Variants in CLEC16A observed in about 807,000 individuals in gnomAD.
The protein encoded by CLEC16A is protein CLEC16A.
In CLEC16A, 51 loss-of-function variants were observed where a neutral mutation model predicts 109.5. The observed-to-expected ratio is 0.47, with a 90% CI of 0.37 to 0.59. The LOEUF (loss-of-function observed/expected upper bound fraction) is 0.59, where lower values mean the gene tolerates loss of function less well. CLEC16A is among the 20% of genes least tolerant of loss of function. CLEC16A has a pLI of 0.00. For missense variants in CLEC16A, 1,339 were observed against 1,394.0 expected, an observed-to-expected ratio of 0.96 and a Z score of 0.63; for synonymous variants, 673 against 564.2, an observed-to-expected ratio of 1.19 and a Z score of -2.73.
At chr16:10,964,955 G>C (rs1053123092) in intron 3 of CLEC16A, among the ~76,000 whole-genome samples, 1 of 152,128 alleles carries the variant, frequency 6.6e-6, no homozygotes, top group Non-Finnish European at 1.5e-5. Context: ...TAACACAGTA[G>C]GATGACCTGT....
chr16:10,982,896 C>G lies in CLEC16A; in HGVS notation c.976C>G (p.His326Asp). The change falls in exon 10 of 24, where the codon CAT (histidine) becomes GAT (aspartate). Residue 326 changes from histidine to aspartate, a missense_variant. Physicochemically the swap from His to Asp is moderately conservative, Grantham distance 81 (BLOSUM62 -1). Transcript: ENST00000409790. ...LLSQVFLIIH[H>D]APLVNSLAEV... is the part of the protein sequence containing the mutation. ...CCGCCAGGTCTTCTTAATTATACAT[C>G]ATGCACCGCTGGTGAACTCGTTAGC... 6.2e-7 allele frequency: 1 copy of G among 1,603,556 alleles called. No individual in the cohort carries two copies. The highest frequency in any genetic ancestry group is 8.5e-7 in the Non-Finnish European group (1 of 1,170,602).
chr16:11,124,683 A>C lies in CLEC16A; in HGVS notation c.2473+737A>C, dbSNP rs539235337. ...AACTCCTAAAATGACAGTCTTTCTCAAGATACCCAGTGCCATTCAGTTCAG... is the reference window on the plus strand; with the variant it reads ...AACTCCTAAAATGACAGTCTTTCTCCAGATACCCAGTGCCATTCAGTTCAG... On this transcript the variant is annotated intron_variant, in intron 21 of 23. Transcript: ENST00000409790. Among the ~76,000 whole-genome samples the C allele has an allele frequency of 2.2e-4, 34 of 152,308 alleles. No homozygotes were observed. In the South Asian group the frequency reaches 5.2e-3, roughly 23 times the overall value.
chr16:11,163,694 G>A (rs1363264549), intron 22 of CLEC16A, among the ~76,000 whole-genome samples: 1 of 152,118 alleles, frequency 6.6e-6, no homozygotes, highest in Admixed American at 6.5e-5. Flanking sequence ...TTTAAAGAGG[G>A]CAAGAGAAAA....
At chr16:11,025,543 A>G (rs1229162241) in intron 13 of CLEC16A, among the ~76,000 whole-genome samples, 1 of 152,198 alleles carries the variant, frequency 6.6e-6, no homozygotes, top group Non-Finnish European at 1.5e-5. Flanking sequence ...TGACATGGGC[A>G]CGTTCTGAAA....
At position 11,120,632 on chromosome 16, in the gene CLEC16A, G is replaced by T. The variant is rs759121896; in HGVS notation, c.2134G>T (p.Ala712Ser). Reference sequence around the variant, plus strand: ...CCTCCCAGATAACAGCGACTTGATTGCATGTACAGTGATCACCAAGGATGG... The same window carrying T: ...CCTCCCAGATAACAGCGACTTGATTTCATGTACAGTGATCACCAAGGATGG... ...VLDLNNSDLI[A>S]CTVITKDGGM... The change falls in exon 20 of 24, where the codon GCA becomes TCA. Residue 712 changes from alanine to serine, a missense_variant. Transcript: ENST00000409790. 1.2e-6 allele frequency: 2 copies of T among 1,611,032 alleles called. No individual in the cohort carries two copies. The highest frequency in any genetic ancestry group is 1.3e-5 in the African/African-American group (1 of 74,770).
chr16:11,175,951 G>A (rs377125568), intron 23 of CLEC16A, among the ~76,000 whole-genome samples: 60 of 152,350 alleles, frequency 3.9e-4, no homozygotes, highest in African/African-American at 1.4e-3. Context: ...TGAAGGTAAC[G>A]CTTGGCTACT....
chr16:11,084,134 C>T, intron 19 of CLEC16A, among the ~76,000 whole-genome samples: 1 of 151,998 alleles, frequency 6.6e-6, no homozygotes, highest in Non-Finnish European at 1.5e-5. Context: ...AGTGTGTCCC[C>T]TTCAGCTCTG....
intron 10 of CLEC16A, among the ~76,000 whole-genome samples, chr16:10,992,266 C>T (rs539091019): frequency 2.0e-3 from 288 of 147,574 alleles, no homozygotes; most frequent in Non-Finnish European, 3.3e-3. Context: ...CTCTCCCCAT[C>T]TTCCCCATCC....
intron 10 of CLEC16A, among the ~76,000 whole-genome samples, chr16:11,002,045 T>C (rs1340479500): frequency 1.3e-5 from 2 of 152,208 alleles, no homozygotes; most frequent in East Asian, 3.8e-4. Flanking sequence ...TTAATAATAA[T>C]ATCAGTGGGC....
Position 11,120,742 on chromosome 16 carries a change from G to A in CLEC16A, c.2244G>A (p.Val748=), listed in dbSNP as rs1437385179. Residue 748 remains valine, a synonymous_variant, in exon 20 of 24, where the codon GTG becomes GTA. Coordinates refer to ENST00000409790, the MANE Select transcript of CLEC16A (RefSeq NM_015226.3). ...EPDVSRLGWG[V]VKFAGLLQDM... ...ATGTGTCCAGGCTTGGCTGGGGAGT[G>A]GTCAAGTTTGCAGGCCTATTGCAGG... The A allele has an allele frequency of 1.9e-6, 3 of 1,570,838 alleles. No individual in the cohort carries two copies. Among genetic ancestry groups the A allele is most frequent in the Non-Finnish European group, 2.6e-6 (3 of 1,156,946 alleles).
chr16:11,090,884 C>T (rs1287001240), intron 19 of CLEC16A, among the ~76,000 whole-genome samples: 1 of 137,930 alleles, frequency 7.3e-6, no homozygotes, highest in Non-Finnish European at 1.5e-5. Flanking sequence ...TGGCCAGGCT[C>T]GTCTTGAACT....
At chr16:11,075,450 G>T (rs1454462280) in intron 19 of CLEC16A, among the ~76,000 whole-genome samples, 2 of 149,908 alleles carry the variant, frequency 1.3e-5, no homozygotes, top group Non-Finnish European at 3.0e-5. Context: ...GTGTGTGTGT[G>T]TTTTGAGACA....
chr16:11,030,913 T>C (rs998187624), intron 13 of CLEC16A, among the ~76,000 whole-genome samples: 5 of 152,208 alleles, frequency 3.3e-5, no homozygotes, highest in Non-Finnish European at 7.3e-5. Context: ...GAGAGTTCTT[T>C]ATGTATTTTG....
chr16:11,140,661 G>A (rs945708426), intron 22 of CLEC16A, among the ~76,000 whole-genome samples: 5 of 152,262 alleles, frequency 3.3e-5, no homozygotes, highest in Non-Finnish European at 7.4e-5. Context: ...CACCTGAAAG[G>A]CTTGCTCAAG....
chr16:10,945,276 T>TG (rs2041296071), intron 1 of CLEC16A, among the ~76,000 whole-genome samples: 1 of 152,142 alleles, frequency 6.6e-6, no homozygotes, highest in Non-Finnish European at 1.5e-5. Context: ...TGTTGAGAGT[T>TG]GGTTGGATAA....
intron 3 of CLEC16A, 127 bp from the exon 4 acceptor site, chr16:10,969,034 A>T: frequency 1.5e-6 from 1 of 668,796 alleles, no homozygotes; most frequent in Non-Finnish European, 2.5e-6. Flanking sequence ...CTTCCCAGTT[A>T]GTGTGTTTAA....
intron 13 of CLEC16A, among the ~76,000 whole-genome samples, chr16:11,033,930 G>A (rs560093353): frequency 2.0e-5 from 3 of 152,330 alleles, no homozygotes; most frequent in Non-Finnish European, 4.4e-5. Context: ...TGGGCCAGAG[G>A]TGGAGGGATG....
At chr16:11,085,381 C>G (rs983858740) in intron 19 of CLEC16A, among the ~76,000 whole-genome samples, 7 of 152,234 alleles carry the variant, frequency 4.6e-5, no homozygotes, top group Admixed American at 2.0e-4. Flanking sequence ...GTTGAGTGCC[C>G]GTGGAGGTGC....
intron 8 of CLEC16A, among the ~76,000 whole-genome samples, chr16:10,979,064 A>G (rs1194604556): frequency 2.0e-5 from 3 of 151,888 alleles, no homozygotes; most frequent in Admixed American, 6.6e-5. Flanking sequence ...CTTAAGGAGC[A>G]AGTTCTCGTG....
Sources: allele counts gnomAD v4.1 joint callset (sites outside exome capture counted in the v4.1 genomes callset), GRCh38; gene constraint gnomAD v4.1.1; transcripts MANE v1.5; gene names NCBI Gene and HGNC (gene_info 2026-07-23, HGNC 2026-07-21).